The following OR6B2 variants were observed in gnomAD, a reference collection of about 807,000 sequenced individuals.
OR6B2 encodes the protein olfactory receptor family 6 subfamily B member 2, also known as olfactory receptor 6B2.
For synonymous variants in OR6B2, 155 were observed against 171.5 expected, an observed-to-expected ratio of 0.90 and a Z score of 0.75; for missense variants, 275 against 386.8, an observed-to-expected ratio of 0.71 and a Z score of 2.42.
At position 240,030,312 on chromosome 2, in the gene OR6B2, C is replaced by G. The variant is rs1314220242; in HGVS notation, c.118G>C (p.Val40Leu). Residue 40 changes from valine (V) to leucine (L), a missense_variant, in exon 1 of 1, where the codon GTG becomes CTG. By Grantham distance (32) the Val-to-Leu change is conservative. Coordinates refer to ENST00000319423, the MANE Select transcript of OR6B2 (RefSeq NM_001005853.1). ...ATGAGGATGATGGCCAGGTTCTCCA[C>G]CAGGACAAAGAGGTAGGTGAGCAGG... Reference protein sequence around the residue: ...LFLLTYLFVLVENLAIILIVW... With the variant: ...LFLLTYLFVLLENLAIILIVW... 1 of 1,613,654 alleles carries G rather than the reference C, an allele frequency of 6.2e-7. No homozygotes were observed. The highest frequency in any genetic ancestry group is 8.5e-7 in the Non-Finnish European group (1 of 1,179,692).
rs1271785054 is a variant in OR6B2, at chr2:240,029,825, A to G, written c.605T>C (p.Leu202Pro). The change falls in exon 1 of 1, where the codon CTG (leucine) becomes CCG (proline). Residue 202 changes from leucine (L) to proline (P), a missense_variant. Coordinates refer to ENST00000319423, the MANE Select transcript of OR6B2 (RefSeq NM_001005853.1). The surrounding 1 kb of genome is among the most constrained non-coding windows in gnomAD (Gnocchi z 5.2). ...FSTAELVDFI[L>P]AFIILVFPLL... ...CGGAAACACCAGGATGATGAAGGCC[A>G]GGATGAAATCCACCAGCTCTGCAGT... 1.2e-6 allele frequency: 2 copies of G among 1,612,406 alleles called. No individual in the cohort carries two copies. The highest frequency in any genetic ancestry group is 2.7e-5 in the African/African-American group (2 of 74,930).
chr2:240,030,244 A>G lies in OR6B2; in HGVS notation c.186T>C (p.Phe62=), dbSNP rs1473078195. 1.2e-6 allele frequency: 2 copies of G among 1,613,734 alleles called. No homozygotes were observed. Among genetic ancestry groups the G allele is most frequent in the African/African-American group, 2.7e-5 (2 of 74,918 alleles). Residue 62 remains phenylalanine, a synonymous_variant, in exon 1 of 1, where the codon TTT becomes TTC. Transcript: ENST00000319423. ...TCTCCAGGAAAGACATGGAGCTCAG[A>G]AAGTAGTACATGGGCCTGTGGAGGG... is the stretch of plus-strand genomic sequence containing the variant. ...STSLHRPMYY[F]LSSMSFLEIW...
rs771121073 is a variant in OR6B2 at position 240,030,115 on chromosome 2, G to A, written c.315C>T (p.Ser105=). ...GCACACACTCGGTGCACACCAGGGAGCTGAAGAAGTAGAGCTGCGTCATGC... is the reference window on the plus strand; with the variant it reads ...GCACACACTCGGTGCACACCAGGGAACTGAAGAAGTAGAGCTGCGTCATGC... The part of the protein sequence containing the change: ...VGCMTQLYFF[S]SLVCTECVLL... Residue 105 remains serine, a synonymous_variant, in exon 1 of 1, where the codon AGC becomes AGT. Coordinates refer to ENST00000319423, the MANE Select transcript of OR6B2 (RefSeq NM_001005853.1). 8.5e-6 allele frequency: 13 copies of A among 1,525,488 alleles called. No individual in the cohort carries two copies. In the Admixed American group the frequency reaches 1.3e-4, roughly 16 times the overall value. The allele number at this position is 1,525,488 out of a possible 1,614,324, so 94.5% of individuals were successfully genotyped here. A position where few individuals can be genotyped will look rare whatever the true frequency, so the allele number is the denominator to read the frequency against.
In OR6B2 at chr2:240,029,740, C is replaced by T. The variant is rs948410644; in HGVS notation, c.690G>A (p.Ser230=). 1.4e-5 allele frequency: 23 copies of T among 1,612,636 alleles called. No individual in the cohort carries two copies. The highest frequency in any genetic ancestry group is 2.2e-5 in the East Asian group (1 of 44,872). ...HITLAVLRIP[S]ATGCWRAFST... is the part of the protein sequence containing the mutation. Reference sequence around the variant, plus strand: ...AGAAGGCTCTCCAGCAGCCGGTGGCCGAGGGGATGCGCAGGACAGCCAGGG... The same window carrying T: ...AGAAGGCTCTCCAGCAGCCGGTGGCTGAGGGGATGCGCAGGACAGCCAGGG... Residue 230 remains serine, a synonymous_variant, in exon 1 of 1, where the codon TCG becomes TCA. Coordinates refer to ENST00000319423, the MANE Select transcript of OR6B2 (RefSeq NM_001005853.1). The surrounding 1 kb of genome is among the most constrained non-coding windows in gnomAD (Gnocchi z 5.2).
rs1012722773 is a variant in OR6B2 at position 240,030,256 on chromosome 2, G to A, written c.174C>T (p.Pro58=). 4 of 1,613,836 alleles carry A rather than the reference G, an allele frequency of 2.5e-6. No individual in the cohort carries two copies. Among genetic ancestry groups the A allele is most frequent in the Non-Finnish European group, 3.4e-6 (4 of 1,179,738 alleles). Residue 58 remains proline (P), a synonymous_variant, in exon 1 of 1, where the codon CCC becomes CCT. Coordinates refer to ENST00000319423, the MANE Select transcript of OR6B2 (RefSeq NM_001005853.1). ...ACATGGAGCTCAGAAAGTAGTACAT[G>A]GGCCTGTGGAGGGAGGTGCTGCTCC... ...IVWSSTSLHR[P]MYYFLSSMSF...
Position 240,029,762 on chromosome 2 carries a change from A to G in OR6B2, c.668T>C (p.Leu223Pro), listed in dbSNP as rs61730686. 10,402 of 1,609,598 alleles carry G rather than the reference A, an allele frequency of 6.5e-3. 50 individuals carry two copies. The highest frequency in any genetic ancestry group is 7.9e-3 in the Non-Finnish European group (9,259 of 1,175,810). ...GGCCGAGGGGATGCGCAGGACAGCC[A>G]GGGTGATGTGCCAATATGACAGTAT... Reference protein sequence around the residue: ...ATILSYWHITLAVLRIPSATG... With the variant: ...ATILSYWHITPAVLRIPSATG... Residue 223 changes from leucine (L) to proline (P), a missense_variant, in exon 1 of 1, where the codon CTG (leucine) becomes CCG (proline). Physicochemically the swap from Leu to Pro is moderately conservative, Grantham distance 98. Coordinates refer to ENST00000319423, the MANE Select transcript of OR6B2 (RefSeq NM_001005853.1). The surrounding 1 kb of genome is among the most constrained non-coding windows in gnomAD (Gnocchi z 5.2).
At position 240,030,168 on chromosome 2, in the gene OR6B2, G is replaced by T. The variant is rs376154765; in HGVS notation, c.262C>A (p.Gln88Lys). 1.8e-4 allele frequency: 294 copies of T among 1,608,266 alleles called. No homozygotes were observed. The highest frequency in any genetic ancestry group is 8.7e-4 in the Admixed American group (52 of 59,986). Reference sequence around the variant, plus strand: ...CCGACGAAAGAGATGCGTTTCTGCTGGAGGAGGAAGCCCTCCAGCATCTTG... The same window carrying T: ...CCGACGAAAGAGATGCGTTTCTGCTTGAGGAGGAAGCCCTCCAGCATCTTG... ...TPKMLEGFLL[Q>K]QKRISFVGCM... The change falls in exon 1 of 1, where the codon CAG becomes AAG. Residue 88 changes from glutamine to lysine, a missense_variant. Transcript: ENST00000319423.
Position 240,029,977 on chromosome 2 carries a change from A to G in OR6B2, c.453T>C (p.Ser151=). 1.5e-6 allele frequency: 2 copies of G among 1,374,108 alleles called. No homozygotes were observed. 85.1% of individuals were successfully genotyped at this position (1,374,108 alleles called of 1,614,324 possible). A position where few individuals can be genotyped will look rare whatever the true frequency, so the allele number is the denominator to read the frequency against. The change falls in exon 1 of 1, where the codon AGT becomes AGC. Residue 151 remains serine (S), a synonymous_variant. Transcript: ENST00000319423. This position sits in a 1 kb window ranked among gnomAD's most constrained non-coding sequence, Gnocchi z 5.2. ...CLQLVGFSFV[S]GFTISMIKVC... is the part of the protein sequence containing the mutation. ...CCTTGATCATGGAGATGGTGAAGCC[A>G]CTCACAAAGGAGAAGCCCACCAGCT...
rs1476254551 is a variant in OR6B2 at position 240,030,169 on chromosome 2, G to C, written c.261C>G (p.Leu87=). Residue 87 remains leucine (L), a synonymous_variant, in exon 1 of 1, where the codon CTC becomes CTG. Transcript: ENST00000319423. ...ITPKMLEGFL[L]QQKRISFVGC... ...CGACGAAAGAGATGCGTTTCTGCTGGAGGAGGAAGCCCTCCAGCATCTTGG... is the reference window on the plus strand; with the variant it reads ...CGACGAAAGAGATGCGTTTCTGCTGCAGGAGGAAGCCCTCCAGCATCTTGG... 1 of 1,608,822 alleles carries C rather than the reference G, an allele frequency of 6.2e-7. No homozygotes were observed. Among genetic ancestry groups the C allele is most frequent in the Non-Finnish European group, 8.5e-7 (1 of 1,175,358 alleles).
rs1697973490 is a variant in OR6B2, at chr2:240,030,351, G to A, written c.79C>T (p.Leu27Phe). Residue 27 changes from leucine to phenylalanine, a missense_variant, in exon 1 of 1, where the codon CTC becomes TTC. Physicochemically the swap from Leu to Phe is conservative, Grantham distance 22. Coordinates refer to ENST00000319423, the MANE Select transcript of OR6B2 (RefSeq NM_001005853.1). ...TAGGTGAGCAGGAAGAGGAGGAAGA[G>A]CAGGTACTGCAGCCCTGGGGCCGTG... The part of the protein sequence containing the change: ...LPTAPGLQYL[L>F]FLLFLLTYLF... 1.2e-6 allele frequency: 2 copies of A among 1,610,332 alleles called. No homozygotes were observed. Among genetic ancestry groups the A allele is most frequent in the Middle Eastern group, 1.7e-4 (1 of 6,052 alleles).
chr2:240,029,929 C>T lies in OR6B2; in HGVS notation c.501G>A (p.Thr167=), dbSNP rs527920193. 123 of 1,454,932 alleles carry T rather than the reference C, an allele frequency of 8.5e-5. No individual in the cohort carries two copies. Among genetic ancestry groups the T allele is most frequent in the Admixed American group, 2.0e-4 (12 of 58,860 alleles). 90.1% of individuals were successfully genotyped at this position (1,454,932 alleles called of 1,614,324 possible). Residue 167 remains threonine, a synonymous_variant, in exon 1 of 1, where the codon ACG becomes ACA. Coordinates refer to ENST00000319423, the MANE Select transcript of OR6B2 (RefSeq NM_001005853.1). This position sits in a 1 kb window ranked among gnomAD's most constrained non-coding sequence, Gnocchi z 5.2. ...GGTTCAAGACGTTGGAGCCACAGAA[C>T]GTGACGCTGGAGATAAAACAGACCT... is the stretch of plus-strand genomic sequence containing the variant. The part of the protein sequence containing the change: ...MIKVCFISSV[T]FCGSNVLNHF...
rs1230357467 is a variant in OR6B2 at position 240,029,697 on chromosome 2, G to C, written c.733C>G (p.Leu245Val). ...WRAFSTCASH[L>V]TVVTVFYTAL... is the part of the protein sequence containing the mutation. ...GTATAGAAGACGGTGACCACGGTGA[G>C]GTGAGAGGCGCAGGTAGAGAAGGCT... is the stretch of plus-strand genomic sequence containing the variant. Residue 245 changes from leucine to valine, a missense_variant, in exon 1 of 1, where the codon CTC becomes GTC. Coordinates refer to ENST00000319423, the MANE Select transcript of OR6B2 (RefSeq NM_001005853.1). This position sits in a 1 kb window ranked among gnomAD's most constrained non-coding sequence, Gnocchi z 5.2. 1 of 1,613,858 alleles carries C rather than the reference G, an allele frequency of 6.2e-7. No homozygotes were observed. The highest frequency in any genetic ancestry group is 1.3e-5 in the African/African-American group (1 of 74,926).
chr2:240,030,417 T>G lies in OR6B2; in HGVS notation c.13A>C (p.Asn5His). Residue 5 changes from asparagine to histidine, a missense_variant, in exon 1 of 1, where the codon AAT becomes CAT. By Grantham distance (68) the Asn-to-His change is moderately conservative. Coordinates refer to ENST00000319423, the MANE Select transcript of OR6B2 (RefSeq NM_001005853.1). ...ATGAAGGTGCTGACCTTGGTGACAT[T>G]CTCCCCACTCATGCCTCTGTGCTTG... MSGE[N>H]VTKVSTFILV... 6.2e-7 allele frequency: 1 copy of G among 1,608,536 alleles called. No homozygotes were observed. The highest frequency in any genetic ancestry group is 1.1e-5 in the South Asian group (1 of 90,930).
In OR6B2 at chr2:240,030,157, G is replaced by A. The variant is rs1183170907; in HGVS notation, c.273C>T (p.Arg91=). The A allele has an allele frequency of 6.3e-7, 1 of 1,596,902 alleles. No individual in the cohort carries two copies. The highest frequency in any genetic ancestry group is 1.1e-5 in the South Asian group (1 of 90,714). The change falls in exon 1 of 1, where the codon CGC becomes CGT. Residue 91 remains arginine, a synonymous_variant. Coordinates refer to ENST00000319423, the MANE Select transcript of OR6B2 (RefSeq NM_001005853.1). ...MLEGFLLQQK[R]ISFVGCMTQL... ...GCGTCATGCACCCGACGAAAGAGAT[G>A]CGTTTCTGCTGGAGGAGGAAGCCCT...
chr2:240,029,793 C>T lies in OR6B2; in HGVS notation c.637G>A (p.Ala213Thr), dbSNP rs1697962888. 1 of 1,611,174 alleles carries T rather than the reference C, an allele frequency of 6.2e-7. No homozygotes were observed. The highest frequency in any genetic ancestry group is 8.5e-7 in the Non-Finnish European group (1 of 1,177,422). ...ATGTGCCAATATGACAGTATGGTGG[C>T]CAGGAGCGGAAACACCAGGATGATG... The part of the protein sequence containing the change: ...AFIILVFPLL[A>T]TILSYWHITL... The change falls in exon 1 of 1, where the codon GCC (alanine) becomes ACC (threonine). Residue 213 changes from alanine (A) to threonine (T), a missense_variant. By Grantham distance (58) the Ala-to-Thr change is moderately conservative. Transcript: ENST00000319423. The surrounding 1 kb of genome is among the most constrained non-coding windows in gnomAD (Gnocchi z 5.2).
rs776253431 is a variant in OR6B2 at position 240,030,283 on chromosome 2, G to T, written c.147C>A (p.Val49=). The change falls in exon 1 of 1, where the codon GTC becomes GTA. Residue 49 remains valine, a synonymous_variant. Coordinates refer to ENST00000319423, the MANE Select transcript of OR6B2 (RefSeq NM_001005853.1). ...GCCTGTGGAGGGAGGTGCTGCTCCAGACGATGAGGATGATGGCCAGGTTCT... is the reference window on the plus strand; with the variant it reads ...GCCTGTGGAGGGAGGTGCTGCTCCATACGATGAGGATGATGGCCAGGTTCT... ...LVENLAIILI[V]WSSTSLHRPM... The T allele has an allele frequency of 6.2e-7, 1 of 1,613,960 alleles. No individual in the cohort carries two copies. Among genetic ancestry groups the T allele is most frequent in the South Asian group, 1.1e-5 (1 of 91,080 alleles).
In OR6B2 at chr2:240,030,378, G is replaced by T; in HGVS notation, c.52C>A (p.Pro18Thr). 6.2e-7 allele frequency: 1 copy of T among 1,607,904 alleles called. No individual in the cohort carries two copies. The highest frequency in any genetic ancestry group is 1.7e-5 in the Admixed American group (1 of 60,012). ...KVSTFILVGL[P>T]TAPGLQYLLF... ...AGGTACTGCAGCCCTGGGGCCGTGG[G>T]GAGGCCCACCAGGATGAAGGTGCTG... Residue 18 changes from proline (P) to threonine (T), a missense_variant, in exon 1 of 1, where the codon CCC becomes ACC. Physicochemically the swap from Pro to Thr is conservative, Grantham distance 38. Transcript: ENST00000319423.
rs1426645618 is a variant in OR6B2 at position 240,029,526 on chromosome 2, T to C, written c.904A>G (p.Lys302Glu). Residue 302 changes from lysine (K) to glutamate (E), a missense_variant, in exon 1 of 1, where the codon AAA (lysine) becomes GAA (glutamate). By Grantham distance (56) the Lys-to-Glu change is moderately conservative (BLOSUM62 1). Coordinates refer to ENST00000319423, the MANE Select transcript of OR6B2 (RefSeq NM_001005853.1). The surrounding 1 kb of genome is among the most constrained non-coding windows in gnomAD (Gnocchi z 5.2). ...GTTTGACCCAAGCCCAAGGCCTTTT[T>C]CAAGGCGTCCTTAAATTCCTTGTTC... ...LRNKEFKDAL[K>E]KALGLGQTSH 1 of 847,354 alleles carries C rather than the reference T, an allele frequency of 1.2e-6. No individual in the cohort carries two copies. Among genetic ancestry groups the C allele is most frequent in the Non-Finnish European group, 2.1e-6 (1 of 481,112 alleles). The allele number at this position is 847,354 out of a possible 1,614,324, so 52.5% of individuals were successfully genotyped here.
chr2:240,029,554 C>G lies in OR6B2; in HGVS notation c.876G>C (p.Leu292=), dbSNP rs776241629. Residue 292 remains leucine, a synonymous_variant, in exon 1 of 1, where the codon CTG becomes CTC. Coordinates refer to ENST00000319423, the MANE Select transcript of OR6B2 (RefSeq NM_001005853.1). This position sits in a 1 kb window ranked among gnomAD's most constrained non-coding sequence, Gnocchi z 5.2. The part of the protein sequence containing the change: ...TPIINPLIYC[L]RNKEFKDALK... The stretch of plus-strand genomic sequence containing the variant: ...AGGCGTCCTTAAATTCCTTGTTCCT[C>G]AGGCAGTAAATCAAAGGGTTAATTA... 1.0e-6 allele frequency: 1 copy of G among 975,124 alleles called. No individual in the cohort carries two copies. The highest frequency in any genetic ancestry group is 1.3e-5 in the South Asian group (1 of 78,312). 60.4% of individuals were successfully genotyped at this position (975,124 alleles called of 1,614,324 possible). A position where few individuals can be genotyped will look rare whatever the true frequency, so the allele number is the denominator to read the frequency against.
Sources: gnomAD v4.1 joint callset for allele counts on GRCh38, gnomAD v4.1.1 for gene constraint, Gnocchi (gnomAD v3.1) non-coding constraint, MANE v1.5 for transcripts, NCBI Gene and HGNC (gene_info 2026-07-23, HGNC 2026-07-21) for gene names.